LRRTM4: variants seen among roughly 807,000 people sequenced by gnomAD.
LRRTM4 encodes the protein leucine-rich repeat transmembrane neuronal protein 4.
Under a neutral mutation model 47.6 loss-of-function variants are expected in LRRTM4, and 25 were observed. That is an observed-to-expected ratio of 0.53 (90% confidence interval 0.38 to 0.73). LRRTM4 has a LOEUF of 0.73. LRRTM4 is among the 30% of genes least tolerant of loss of function. LRRTM4 has a pLI of 0.00. For synonymous variants in LRRTM4, 311 were observed against 269.5 expected (o/e 1.15, Z -1.51); for missense variants, 638 against 713.4 (o/e 0.89, Z 1.20).
chr2:77,169,088 A>C (rs757137868), intron 3 of LRRTM4, among the ~76,000 whole-genome samples: 2 of 152,146 alleles, frequency 1.3e-5, no homozygotes, highest in African/African-American at 2.4e-5. Context: ...CAGCATAGTC[A>C]AGATCATATA....
chr2:77,359,068 C>T (rs1386519835), intron 3 of LRRTM4, among the ~76,000 whole-genome samples: 1 of 152,054 alleles, frequency 6.6e-6, no homozygotes, highest in African/African-American at 2.4e-5. Context: ...GTTTTTGATG[C>T]TTTTAATCAC....
rs1013521700 is a variant in LRRTM4, at chr2:77,194,162, G to A, written c.1551+324156C>T. ...GGTCTTGGAGTTGTGCTGAAGAGAGGAGCCAGTCTAAGAAAATATGACTAT... is the reference window on the plus strand; with the variant it reads ...GGTCTTGGAGTTGTGCTGAAGAGAGAAGCCAGTCTAAGAAAATATGACTAT... On this transcript the variant is annotated intron_variant, in intron 3 of 3. Transcript: ENST00000409884. Among the ~76,000 whole-genome samples, 3 of 152,070 alleles carry A rather than the reference G, an allele frequency of 2.0e-5. No individual in the cohort carries two copies. In the South Asian group the frequency reaches 6.2e-4, roughly 32 times the overall value.
At chr2:76,948,719 G>A (rs1385018213) in intron 3 of LRRTM4, among the ~76,000 whole-genome samples, 1 of 151,782 alleles carries the variant, frequency 6.6e-6, no homozygotes, top group Non-Finnish European at 1.5e-5. Context: ...ATAGCAACTG[G>A]AGGAAGTAAT....
In LRRTM4 at chr2:76,854,645, T is replaced by C. The variant is rs543928727; in HGVS notation, c.1552-105729A>G. 1.4e-4 allele frequency among the ~76,000 whole-genome samples: 21 copies of C among 152,280 alleles called. No homozygotes were observed. In the South Asian group the frequency reaches 1.9e-3, roughly 14 times the overall value. ...ACAGAACATCCAGCACACCACTGCC[T>C]GGGTCCCTTATGACATAAATGAGCT... On this transcript the variant is annotated intron_variant, in intron 3 of 3. Transcript: ENST00000409884.
chr2:77,299,001 T>C (rs962656357), intron 3 of LRRTM4, among the ~76,000 whole-genome samples: 2 of 152,124 alleles, frequency 1.3e-5, no homozygotes, highest in African/African-American at 4.8e-5. Context: ...TAAAATCGTT[T>C]ATATAAAACA....
chr2:77,070,096 C>T (rs1037853645), intron 3 of LRRTM4, among the ~76,000 whole-genome samples: 7 of 151,952 alleles, frequency 4.6e-5, no homozygotes, highest in African/African-American at 9.7e-5. Flanking sequence ...AATGAGCTAT[C>T]GCGTGCTTCT....
chr2:77,188,357 T>C (rs1052090145), intron 3 of LRRTM4, among the ~76,000 whole-genome samples: 1 of 152,300 alleles, frequency 6.6e-6, no homozygotes, highest in African/African-American at 2.4e-5. Flanking sequence ...TACTTTCCTT[T>C]TTCTCTACTC....
At chr2:77,237,303 C>G (rs1675128789) in intron 3 of LRRTM4, among the ~76,000 whole-genome samples, 1 of 151,662 alleles carries the variant, frequency 6.6e-6, no homozygotes, top group African/African-American at 2.4e-5. Flanking sequence ...CAGGATTTTA[C>G]TCATTTCCTT....
At chr2:77,461,311 C>A (rs929515426) in intron 3 of LRRTM4, among the ~76,000 whole-genome samples, 2 of 152,094 alleles carry the variant, frequency 1.3e-5, no homozygotes, top group African/African-American at 4.8e-5. Context: ...ATTGTACATA[C>A]CCTCAAATGC....
intron 3 of LRRTM4, among the ~76,000 whole-genome samples, chr2:76,772,339 C>G (rs138160330): frequency 4.6e-5 from 7 of 152,240 alleles, no homozygotes; most frequent in Non-Finnish European, 8.8e-5. Context: ...TAAAGCCACC[C>G]AGTCTAGGGT....
intron 3 of LRRTM4, among the ~76,000 whole-genome samples, chr2:76,912,313 T>C (rs781517800): frequency 4.6e-5 from 7 of 152,248 alleles, no homozygotes; most frequent in Non-Finnish European, 8.8e-5. Flanking sequence ...ACTCATTTCA[T>C]GTTAATAAAT....
chr2:77,211,853 T>A (rs1010219281), intron 3 of LRRTM4, among the ~76,000 whole-genome samples: 3 of 152,178 alleles, frequency 2.0e-5, no homozygotes, highest in African/African-American at 7.2e-5. Flanking sequence ...ATTATTACAT[T>A]ATTATATATA....
At chr2:77,003,104 G>A (rs80354536) in intron 3 of LRRTM4, among the ~76,000 whole-genome samples, 3,998 of 151,826 alleles carry the variant, frequency 0.026, 214 homozygotes, top group African/African-American at 0.091. Context: ...TTTTTACTTT[G>A]CGATAAGAAT....
chr2:77,032,234 T>TC (rs1461025042), intron 3 of LRRTM4, among the ~76,000 whole-genome samples: 1 of 152,130 alleles, frequency 6.6e-6, no homozygotes, highest in African/African-American at 2.4e-5. Flanking sequence ...CTGAAGCAAT[T>TC]CCCTCAAGTT....
At chr2:77,220,304 C>T (rs1674582132) in intron 3 of LRRTM4, among the ~76,000 whole-genome samples, 1 of 152,130 alleles carries the variant, frequency 6.6e-6, no homozygotes, top group African/African-American at 2.4e-5. Flanking sequence ...AGCACCTCTC[C>T]TCCTCCAAAG....
At chr2:77,398,696 C>T (rs1283851381) in intron 3 of LRRTM4, among the ~76,000 whole-genome samples, 1 of 151,826 alleles carries the variant, frequency 6.6e-6, no homozygotes, top group African/African-American at 2.4e-5. Context: ...ACAGCAGTAA[C>T]TTACATTAAG....
chr2:77,088,547 C>T (rs970935705), intron 3 of LRRTM4, among the ~76,000 whole-genome samples: 8 of 151,402 alleles, frequency 5.3e-5, no homozygotes, highest in Non-Finnish European at 7.4e-5. Context: ...TCCTATAAAA[C>T]GGCCCCACCC....
intron 3 of LRRTM4, among the ~76,000 whole-genome samples, chr2:77,087,051 G>C (rs1379403975): frequency 6.6e-6 from 1 of 152,130 alleles, no homozygotes; most frequent in Non-Finnish European, 1.5e-5. Context: ...AGATAGAATT[G>C]AAAATCAGAA....
intron 3 of LRRTM4, among the ~76,000 whole-genome samples, chr2:77,456,504 T>A (rs1269391090): frequency 6.6e-6 from 1 of 152,146 alleles, no homozygotes; most frequent in East Asian, 1.9e-4. Context: ...ACTTCACTCT[T>A]GAGTTTATCC....
Sources: gnomAD v4.1 joint callset for allele counts (sites outside exome capture counted in the v4.1 genomes callset) on GRCh38, gnomAD v4.1.1 for gene constraint, MANE v1.5 for transcripts, NCBI Gene and HGNC (gene_info 2026-07-23, HGNC 2026-07-21) for gene names.